TCF7L1: variants seen among roughly 807,000 people sequenced by gnomAD.
TCF7L1 encodes transcription factor 7-like 1.
In TCF7L1, 18 loss-of-function variants were observed where a neutral mutation model predicts 63.7. That is an observed-to-expected ratio of 0.28 (90% CI 0.20 to 0.42). The LOEUF is 0.42. TCF7L1 is among the 10% of genes least tolerant of loss of function. TCF7L1 has a pLI of 1.00. For missense variants in TCF7L1, 654 were observed against 779.3 expected (o/e 0.84, Z 1.91); for synonymous variants, 355 against 340.9 (o/e 1.04, Z -0.46).
chr2:85,254,791 G>A (rs188566869), intron 3 of TCF7L1, among the ~76,000 whole-genome samples: 1 of 152,142 alleles, frequency 6.6e-6, no homozygotes, highest in East Asian at 1.9e-4. Context: ...AGAGAATGAA[G>A]CTCAGAAAAA....
At chr2:85,215,487 T>TG (rs1198428201) in intron 3 of TCF7L1, among the ~76,000 whole-genome samples, 1 of 152,212 alleles carries the variant, frequency 6.6e-6, no homozygotes, top group East Asian at 1.9e-4. Context: ...CCGCCTTGCT[T>TG]GGCAGGTTGG....
chr2:85,194,986 C>G (rs1012450603), intron 3 of TCF7L1, among the ~76,000 whole-genome samples: 3 of 152,260 alleles, frequency 2.0e-5, no homozygotes, highest in Admixed American at 6.5e-5. Context: ...CTCCACCCCC[C>G]AGTCCCACCC....
chr2:85,158,851 G>GCCACAGCTCACC (rs1678215013), intron 3 of TCF7L1, among the ~76,000 whole-genome samples: 1 of 152,222 alleles, frequency 6.6e-6, no homozygotes, highest in African/African-American at 2.4e-5. Context: ...GGGCCTCCTG[G>GCCACAGCTCACC]TACTGCCACA....
intron 3 of TCF7L1, among the ~76,000 whole-genome samples, chr2:85,170,095 G>T (rs1574088870): frequency 6.6e-6 from 1 of 152,210 alleles, no homozygotes; most frequent in African/African-American, 2.4e-5. Context: ...GAGAGAGGAG[G>T]ATGAGATCCC....
chr2:85,287,194 T>C (rs954485075), intron 4 of TCF7L1, among the ~76,000 whole-genome samples: 1 of 152,188 alleles, frequency 6.6e-6, no homozygotes, highest in African/African-American at 2.4e-5. Flanking sequence ...TTCCTGCTTT[T>C]TTGCAACACA....
Position 85,304,290 on chromosome 2 carries a change from G to A in TCF7L1, c.797G>A (p.Gly266Asp), listed in dbSNP as rs1164094315. The change falls in exon 7 of 12, where the codon GGC becomes GAC. Residue 266 changes from glycine to aspartate, a missense_variant. Gly to Asp is a moderately conservative substitution (Grantham distance 94, BLOSUM62 -1). Transcript: ENST00000282111. The part of the protein sequence containing the change: ...GQPMYSLPPG[G>D]FRHPYPALAM... ...CCCATGTACTCCCTTCCTCCCGGTG[G>A]CTTCCGGCACCCTTACCCCGCCCTC... 6.2e-7 allele frequency: 1 copy of A among 1,613,906 alleles called. No individual in the cohort carries two copies. The highest frequency in any genetic ancestry group is 8.5e-7 in the Non-Finnish European group (1 of 1,179,950).
chr2:85,267,330 C>CAAAAAAA (rs1217663362), intron 3 of TCF7L1, among the ~76,000 whole-genome samples: 1 of 44,178 alleles, frequency 2.3e-5, no homozygotes, highest in African/African-American at 8.4e-5. Context: ...GGCTCTGTCT[C>CAAAAAAA]AAAAAAAAAA....
chr2:85,193,868 G>A (rs1679091703), intron 3 of TCF7L1, among the ~76,000 whole-genome samples: 3 of 152,056 alleles, frequency 2.0e-5, no homozygotes, highest in Non-Finnish European at 4.4e-5. Flanking sequence ...GTAGTTAAAT[G>A]TTAACATTTG....
chr2:85,270,772 C>A (rs1333106766), intron 3 of TCF7L1, among the ~76,000 whole-genome samples: 1 of 151,610 alleles, frequency 6.6e-6, no homozygotes, highest in African/African-American at 2.4e-5. Flanking sequence ...TCACTGCAGC[C>A]TCGAGCTCGA....
At chr2:85,298,481 CAAAA>C (rs775849544) in intron 4 of TCF7L1, among the ~76,000 whole-genome samples, 2 of 71,040 alleles carry the variant, frequency 2.8e-5, no homozygotes, top group Non-Finnish European at 5.3e-5. Flanking sequence ...GACTCTGTCT[CAAAA>C]AAAAAAAAAA....
At chr2:85,235,924 C>T (rs1680180260) in intron 3 of TCF7L1, among the ~76,000 whole-genome samples, 1 of 152,022 alleles carries the variant, frequency 6.6e-6, no homozygotes, top group African/African-American at 2.4e-5. Flanking sequence ...CTTTGAGAGG[C>T]GGAGGCAAGA....
In TCF7L1 at chr2:85,133,786, G is replaced by T; in HGVS notation, c.102G>T (p.Ala34=). ...GAAGGGDDLG[A]NDELIPFQDE... ...CCGGCGGAGGGGACGACCTCGGGGC[G>T]AACGACGAGCTGATCCCCTTCCAGG... Residue 34 remains alanine, a synonymous_variant, in exon 1 of 12, where the codon GCG becomes GCT. Transcript: ENST00000282111. This position sits in a 1 kb window ranked among gnomAD's most constrained non-coding sequence, Gnocchi z 4.4. 1.5e-6 allele frequency: 2 copies of T among 1,356,256 alleles called. No homozygotes were observed. The allele number at this position is 1,356,256 out of a possible 1,614,324, so 84.0% of individuals were successfully genotyped here. A position where few individuals can be genotyped will look rare whatever the true frequency, so the allele number is the denominator to read the frequency against.
At position 85,134,569 on chromosome 2, in the gene TCF7L1, T is replaced by A; in HGVS notation, c.441+119T>A. The A allele has an allele frequency of 7.1e-7, 1 of 1,414,832 alleles. No homozygotes were observed. Among genetic ancestry groups the A allele is most frequent in the Non-Finnish European group, 9.4e-7 (1 of 1,067,864 alleles). The allele number at this position is 1,414,832 out of a possible 1,614,324, so 87.6% of individuals were successfully genotyped here. A position where few individuals can be genotyped will look rare whatever the true frequency, so the allele number is the denominator to read the frequency against. Reference sequence around the variant, plus strand: ...CTGCGCCGATCCCAAGCAGAACTTGTTTGCGGAGTTGAACTACTCTCTGGC... The same window carrying A: ...CTGCGCCGATCCCAAGCAGAACTTGATTGCGGAGTTGAACTACTCTCTGGC... On this transcript the variant is annotated intron_variant, in intron 3 of 11. Coordinates refer to ENST00000282111, the MANE Select transcript of TCF7L1 (RefSeq NM_031283.3). The surrounding 1 kb of genome is among the most constrained non-coding windows in gnomAD (Gnocchi z 5.0).
At chr2:85,259,074 C>A (rs1413443258) in intron 3 of TCF7L1, among the ~76,000 whole-genome samples, 4 of 152,216 alleles carry the variant, frequency 2.6e-5, no homozygotes, top group African/African-American at 9.6e-5. Flanking sequence ...AAGCCCTGTC[C>A]TCCCTACCTA....
At chr2:85,199,280 TTC>T (rs1445634877) in intron 3 of TCF7L1, among the ~76,000 whole-genome samples, 1 of 152,188 alleles carries the variant, frequency 6.6e-6, no homozygotes, top group Non-Finnish European at 1.5e-5. Context: ...GCATTTAAGA[TTC>T]TCTGTCTATA....
chr2:85,299,056 T>C (rs1369581855), intron 4 of TCF7L1, among the ~76,000 whole-genome samples: 3 of 148,468 alleles, frequency 2.0e-5, no homozygotes, highest in Non-Finnish European at 3.0e-5. Flanking sequence ...GGTGCAAAAG[T>C]AATTGTGGTT....
intron 3 of TCF7L1, among the ~76,000 whole-genome samples, chr2:85,160,917 A>AC (rs1373332003): frequency 1.3e-5 from 2 of 152,066 alleles, no homozygotes; most frequent in African/African-American, 4.8e-5. Context: ...ATCAATGAGA[A>AC]CCCGCACATC....
intron 11 of TCF7L1, among the ~76,000 whole-genome samples, chr2:85,308,500 CT>C (rs1416648804): frequency 4.5e-5 from 5 of 110,590 alleles, no homozygotes; most frequent in Admixed American, 8.3e-5. Flanking sequence ...CCTTCCCCCC[CT>C]CCCTTTCTTC....
rs1230275106 is a variant in TCF7L1 at position 85,238,182 on chromosome 2, T to C, written c.442-45313T>C. Among the ~76,000 whole-genome samples the C allele has an allele frequency of 2.6e-5, 4 of 152,214 alleles. No individual in the cohort carries two copies. In the East Asian group the frequency reaches 7.7e-4, roughly 29 times the overall value. On this transcript the variant is annotated intron_variant, in intron 3 of 11. Coordinates refer to ENST00000282111, the MANE Select transcript of TCF7L1 (RefSeq NM_031283.3). The stretch of plus-strand genomic sequence containing the variant: ...AGACATAGGCACTATTCACTAACAG[T>C]CCATAAGTGCATGGGGAAGAAAGGC...
Sources: allele counts gnomAD v4.1 joint callset (sites outside exome capture counted in the v4.1 genomes callset), GRCh38; gene constraint gnomAD v4.1.1; non-coding constraint Gnocchi (gnomAD v3.1); transcripts MANE v1.5; gene names NCBI Gene and HGNC (gene_info 2026-07-23, HGNC 2026-07-21).